CUL4A: variants seen among roughly 807,000 people sequenced by gnomAD.
CUL4A encodes cullin-4A.
A neutral mutation model predicts 95.5 loss-of-function variants in CUL4A; 16 were observed. The ratio of observed to expected loss-of-function variants is 0.17; its 90% CI spans 0.11 to 0.25. The LOEUF (loss-of-function observed/expected upper bound fraction) is 0.25, where lower values mean the gene tolerates loss of function less well. Ranked by LOEUF, CUL4A falls within the 10% of genes least tolerant of loss-of-function variation. CUL4A has a pLI of 1.00. For synonymous variants in CUL4A, 380 were observed against 353.1 expected (o/e 1.08, Z -0.85); for missense variants, 610 against 937.0 (o/e 0.65, Z 4.56).
chr13:113,231,968 TTAA>T lies in CUL4A; in HGVS notation c.513-1203_513-1201del, dbSNP rs202236895. ...TGCCACCACTGCCACCATAATATTA[TTAA>T]TAATACTACCACCACCACCCGCCTA... On this transcript the variant is annotated intron_variant, in intron 5 of 19. Transcript: ENST00000375440. Among the ~76,000 whole-genome samples, 795 of 147,348 alleles carry T rather than the reference TTAA, an allele frequency of 5.4e-3. 18 individuals carry two copies. The highest frequency in any genetic ancestry group is 0.019 in the African/African-American group (739 of 38,572).
chr13:113,222,075 G>A (rs2040919770), intron 3 of CUL4A, among the ~76,000 whole-genome samples: 2 of 152,340 alleles, frequency 1.3e-5, no homozygotes, highest in South Asian at 2.1e-4. Context: ...TGGCGCTGAG[G>A]AAGCTTACTG....
At chr13:113,229,932 C>G (rs2041249694) in intron 5 of CUL4A, 1 of 424,432 alleles carries the variant, frequency 2.4e-6, no homozygotes. Context: ...TCCCGGCCTC[C>G]TGAGCACATA....
intron 6 of CUL4A, 59 bp from the exon 7 acceptor site, chr13:113,233,838 G>C: frequency 1.0e-6 from 1 of 977,362 alleles, no homozygotes; most frequent in Non-Finnish European, 1.7e-6. Context: ...GGATGTGTTA[G>C]CACTTGTGAA....
At chr13:113,217,049 C>T (rs2040720623) in intron 2 of CUL4A, among the ~76,000 whole-genome samples, 1 of 152,152 alleles carries the variant, frequency 6.6e-6, no homozygotes, top group Admixed American at 6.5e-5. Context: ...AGTCATTTGC[C>T]ACAACCAGGA....
chr13:113,255,093 A>G lies in CUL4A; in HGVS notation c.1999A>G (p.Ile667Val). ...AGAGTTCAAGCACAAGTTGTTTAGA[A>G]TAAAGATCAATCAAATTCAGATGAA... ...NGEFKHKLFRIKINQIQMKET... is the reference protein window; with the variant it reads ...NGEFKHKLFRVKINQIQMKET... Residue 667 changes from isoleucine to valine, a missense_variant, in exon 18 of 20, where the codon ATA (isoleucine) becomes GTA (valine). Physicochemically the swap from Ile to Val is conservative, Grantham distance 29 (BLOSUM62 3). This residue lies in a region of CUL4A where 28 missense variants were observed against 86.4 expected (regional missense o/e 0.32). Transcript: ENST00000375440. The G allele has an allele frequency of 6.2e-7, 1 of 1,613,236 alleles. No individual in the cohort carries two copies. The highest frequency in any genetic ancestry group is 2.2e-5 in the East Asian group (1 of 44,868).
chr13:113,262,178 A>G (rs531100416), intron 19 of CUL4A, among the ~76,000 whole-genome samples: 1 of 152,322 alleles, frequency 6.6e-6, no homozygotes, highest in African/African-American at 2.4e-5. Flanking sequence ...CCTTGCACGT[A>G]AGTGCTCACA....
chr13:113,250,864 T>C lies in CUL4A; in HGVS notation c.1639-2218T>C, dbSNP rs9577219. ...TATCGTGCCTGGGATTTGGTGTCAT[T>C]GAAGATGGGGAGTAGGTGCAGCAGG... On this transcript the variant is annotated intron_variant, in intron 15 of 19. Transcript: ENST00000375440. Among the ~76,000 whole-genome samples, 2,341 of 152,156 alleles carry C rather than the reference T, an allele frequency of 0.015. 158 individuals carry two copies. The East Asian group carries it at 0.2, about 13-fold the overall frequency.
Position 113,209,649 on chromosome 13 carries a change from A to C in CUL4A, c.22A>C (p.Lys8Gln). Residue 8 changes from lysine (K) to glutamine (Q), a missense_variant, in exon 1 of 20, where the codon AAG (lysine) becomes CAG (glutamine). By Grantham distance (53) the Lys-to-Gln change is moderately conservative (BLOSUM62 1). Coordinates refer to ENST00000375440, the MANE Select transcript of CUL4A (RefSeq NM_001008895.4). MADEAPRKGSFSALVGRT... is the reference protein window; with the variant it reads MADEAPRQGSFSALVGRT... ...AGCCATGGCGGACGAGGCCCCGCGG[A>C]AGGGCAGCTTCTCGGCGCTCGTGGG... The C allele has an allele frequency of 9.0e-7, 1 of 1,112,906 alleles. No individual in the cohort carries two copies. The highest frequency in any genetic ancestry group is 1.1e-6 in the Non-Finnish European group (1 of 913,570). The allele number at this position is 1,112,906 out of a possible 1,614,324, so 68.9% of individuals were successfully genotyped here. A position where few individuals can be genotyped will look rare whatever the true frequency, so the allele number is the denominator to read the frequency against.
In CUL4A at chr13:113,210,049, C is replaced by A. The variant is rs2040319921; in HGVS notation, c.225C>A (p.Ser75Arg). The change falls in exon 2 of 20, where the codon AGC becomes AGA. Residue 75 changes from serine (S) to arginine (R), a missense_variant. By Grantham distance (110) the Ser-to-Arg change is moderately radical. Coordinates refer to ENST00000375440, the MANE Select transcript of CUL4A (RefSeq NM_001008895.4). ...ACGAGGCGGTGCGGGCCGTGCAGAGCAGCACCTCCATCAGGTACAACCTCG... is the reference window on the plus strand; with the variant it reads ...ACGAGGCGGTGCGGGCCGTGCAGAGAAGCACCTCCATCAGGTACAACCTCG... ...KLHEAVRAVQ[S>R]STSIRYNLEE... The A allele has an allele frequency of 1.3e-6, 2 of 1,521,124 alleles. No homozygotes were observed. The highest frequency in any genetic ancestry group is 2.9e-5 in the African/African-American group (2 of 69,322). 94.2% of individuals were successfully genotyped at this position (1,521,124 alleles called of 1,614,324 possible). A position where few individuals can be genotyped will look rare whatever the true frequency, so the allele number is the denominator to read the frequency against.
At chr13:113,220,692 T>A (rs902097677) in intron 3 of CUL4A, among the ~76,000 whole-genome samples, 1 of 152,184 alleles carries the variant, frequency 6.6e-6, no homozygotes, top group African/African-American at 2.4e-5. Context: ...GATTACCTGA[T>A]CAAATGAATC....
In CUL4A at chr13:113,243,160, G is replaced by A. The variant is rs1224131523; in HGVS notation, c.1228G>A (p.Ala410Thr). The change falls in exon 11 of 20, where the codon GCA becomes ACA. Residue 410 changes from alanine (A) to threonine (T), a missense_variant and splice_region_variant. Coordinates refer to ENST00000375440, the MANE Select transcript of CUL4A (RefSeq NM_001008895.4). The part of the protein sequence containing the change: ...KRPNKPAELI[A>T]KHVDSKLRAG... ...ACCCAACAAGCCTGCAGAACTGATCGGTAGAAAAATATTTGTTTTTTTTGT... is the reference window on the plus strand; with the variant it reads ...ACCCAACAAGCCTGCAGAACTGATCAGTAGAAAAATATTTGTTTTTTTTGT... The A allele has an allele frequency of 1.3e-6, 2 of 1,581,196 alleles. No individual in the cohort carries two copies. Among genetic ancestry groups the A allele is most frequent in the Non-Finnish European group, 1.7e-6 (2 of 1,157,424 alleles).
rs1388626106 is a variant in CUL4A at position 113,266,043 on chromosome 13, G to A, written c.*2461G>A. 1 of 152,092 alleles carries A rather than the reference G, an allele frequency of 6.6e-6. No individual in the cohort carries two copies. Among genetic ancestry groups the A allele is most frequent in the Non-Finnish European group, 1.5e-5 (1 of 68,016 alleles). The allele number at this position is 152,092 out of a possible 1,614,324, so 9.4% of individuals were successfully genotyped here. On this transcript the variant is annotated 3_prime_UTR_variant, in exon 20 of 20. Transcript: ENST00000375440. ...TTTTTTATTTTTATTTAGAGACAGG[G>A]TCTTAACTGTCACCTGGACTGGAGT... is the stretch of plus-strand genomic sequence containing the variant.
intron 14 of CUL4A, 151 bp downstream of exon 14, chr13:113,245,388 C>T (rs1428718362): frequency 4.2e-6 from 3 of 706,526 alleles, no homozygotes; most frequent in African/African-American, 3.6e-5. Flanking sequence ...ATAGCAAGAC[C>T]CAGTCTCTAC....
intron 2 of CUL4A, among the ~76,000 whole-genome samples, chr13:113,211,911 C>G (rs1424649500): frequency 6.6e-6 from 1 of 151,994 alleles, no homozygotes; most frequent in Non-Finnish European, 1.5e-5. Context: ...CGGTTCCACT[C>G]CGCCACCAGC....
intron 3 of CUL4A, among the ~76,000 whole-genome samples, chr13:113,227,083 G>A (rs900542064): frequency 6.6e-6 from 1 of 152,172 alleles, no homozygotes; most frequent in Non-Finnish European, 1.5e-5. Flanking sequence ...AGGGAGTGGC[G>A]AGCGGCCAGA....
chr13:113,252,396 C>T (rs904131903), intron 15 of CUL4A, among the ~76,000 whole-genome samples: 4 of 152,196 alleles, frequency 2.6e-5, no homozygotes, highest in South Asian at 2.1e-4. Context: ...CAAAAATCAA[C>T]GGGCTTGGTG....
rs746564856 is a variant in CUL4A, at chr13:113,243,018, C to T, written c.1086C>T (p.Val362=). 9 of 1,614,002 alleles carry T rather than the reference C, an allele frequency of 5.6e-6. No homozygotes were observed. The South Asian group carries it at 9.9e-5, about 18-fold the overall frequency. ...ATCCTGAGAAAGACAAAGACATGGT[C>T]CAAGACCTGTTGGACTTCAAGGACA... ...VINPEKDKDM[V]QDLLDFKDKV... is the part of the protein sequence containing the mutation. Residue 362 remains valine, a synonymous_variant, in exon 11 of 20, where the codon GTC becomes GTT. Coordinates refer to ENST00000375440, the MANE Select transcript of CUL4A (RefSeq NM_001008895.4).
intron 5 of CUL4A, among the ~76,000 whole-genome samples, chr13:113,230,419 G>T (rs2041269436): frequency 6.6e-6 from 1 of 152,138 alleles, no homozygotes; most frequent in African/African-American, 2.4e-5. Context: ...TGGACACCCT[G>T]TCCTTGTTGA....
At position 113,263,582 on chromosome 13, in the gene CUL4A, A is replaced by G; in HGVS notation, c.2280A>G (p.Ter760TrpextTer12). The G allele has an allele frequency of 6.4e-7, 1 of 1,574,058 alleles. No individual in the cohort carries two copies. The highest frequency in any genetic ancestry group is 1.2e-5 in the South Asian group (1 of 86,424). Reference sequence around the variant, plus strand: ...CGAATCAGTACCACTACGTGGCCTGACGCATCTGCAGACGGTTCCCCTTCA... The same window carrying G: ...CGAATCAGTACCACTACGTGGCCTGGCGCATCTGCAGACGGTTCCCCTTCA... ...DNPNQYHYVA[*>W] Residue 760 changes from the stop codon to tryptophan, a stop_lost, in exon 20 of 20, where the codon TGA (stop) becomes TGG (tryptophan). Transcript: ENST00000375440.
Sources: allele counts gnomAD v4.1 joint callset (sites outside exome capture counted in the v4.1 genomes callset), GRCh38; gene constraint gnomAD v4.1.1; regional missense constraint gnomAD v4.1.1; transcripts MANE v1.5; gene names NCBI Gene and HGNC (gene_info 2026-07-23, HGNC 2026-07-21).